The following MCUB variants were observed in gnomAD, a reference collection of about 807,000 sequenced individuals.
The protein encoded by MCUB is mitochondrial calcium uniporter dominant negative subunit beta, also known as calcium uniporter regulatory subunit MCUb, mitochondrial.
MCUB carries 46 observed loss-of-function variants against 41.4 expected under a neutral mutation model. The ratio of observed to expected loss-of-function variants is 1.11; its 90% CI spans 0.88 to 1.42. MCUB has a LOEUF of 1.42. Among genes scored for constraint, MCUB ranks in the 40% most tolerant of loss-of-function variants. The pLI, the probability that MCUB is intolerant of heterozygous loss-of-function variation, is 0.00. For synonymous variants in MCUB, 148 were observed against 148.2 expected (o/e 1.00, Z 0.01); for missense variants, 403 against 404.9 (o/e 1.00, Z 0.04).
At chr4:109,676,250 G>A (rs1035125217) in intron 4 of MCUB, among the ~76,000 whole-genome samples, 13 of 152,106 alleles carry the variant, frequency 8.5e-5, no homozygotes, top group African/African-American at 3.1e-4. Flanking sequence ...TAGAAATATC[G>A]ATGGTAGGCT....
chr4:109,597,396 T>G (rs1165563102), intron 1 of MCUB, among the ~76,000 whole-genome samples: 1 of 145,490 alleles, frequency 6.9e-6, no homozygotes. Flanking sequence ...ACGGGGCGGC[T>G]GGCCGGGCGG....
intron 1 of MCUB, among the ~76,000 whole-genome samples, chr4:109,574,048 G>A (rs552925766): frequency 1.3e-5 from 2 of 151,588 alleles, no homozygotes; most frequent in South Asian, 2.1e-4. Context: ...TAATTTTTGC[G>A]TTTTTAGTAC....
At chr4:109,659,943 C>T (rs751870171) in intron 2 of MCUB, among the ~76,000 whole-genome samples, 5 of 152,206 alleles carry the variant, frequency 3.3e-5, no homozygotes, top group Admixed American at 6.5e-5. Flanking sequence ...CAGGCATGAG[C>T]CACCATGCCG....
chr4:109,577,869 C>A, intron 1 of MCUB, among the ~76,000 whole-genome samples: 1 of 28,672 alleles, frequency 3.5e-5, no homozygotes. Flanking sequence ...CTCGGCCTCC[C>A]AAAGTGCTGG....
intron 1 of MCUB, among the ~76,000 whole-genome samples, chr4:109,600,495 C>G (rs1006335881): frequency 6.6e-6 from 1 of 152,152 alleles, no homozygotes; most frequent in African/African-American, 2.4e-5. Flanking sequence ...AAATGGTAGA[C>G]CATAGGTTAA....
At chr4:109,652,061 T>C (rs1257569122) in intron 1 of MCUB, among the ~76,000 whole-genome samples, 1 of 152,226 alleles carries the variant, frequency 6.6e-6, no homozygotes, top group African/African-American at 2.4e-5. Flanking sequence ...ATGGCTGTTT[T>C]GTAAATGGCT....
intron 1 of MCUB, among the ~76,000 whole-genome samples, chr4:109,634,271 T>C (rs1328036514): frequency 2.0e-5 from 3 of 151,728 alleles, no homozygotes; most frequent in Non-Finnish European, 4.4e-5. Flanking sequence ...TCATCTGAGG[T>C]CGGGAGTTCG....
intron 1 of MCUB, among the ~76,000 whole-genome samples, chr4:109,624,154 C>G (rs1169715094): frequency 1.3e-5 from 2 of 152,138 alleles, no homozygotes; most frequent in African/African-American, 4.8e-5. Context: ...TACCTGGCCC[C>G]ATTCAAGATT....
intron 1 of MCUB, among the ~76,000 whole-genome samples, chr4:109,653,585 GT>G (rs553799331): frequency 8.3e-4 from 125 of 151,494 alleles, no homozygotes; most frequent in African/African-American, 3.0e-3. Context: ...ATTAAGGTGG[GT>G]TTTTTTTGAG....
chr4:109,587,563 C>G (rs138466697), intron 1 of MCUB, among the ~76,000 whole-genome samples: 1 of 152,156 alleles, frequency 6.6e-6, no homozygotes, highest in Non-Finnish European at 1.5e-5. Flanking sequence ...GAGCTGCAGA[C>G]TGGAGCTGTT....
chr4:109,630,215 A>G lies in MCUB; in HGVS notation c.100-28796A>G, dbSNP rs573790680. 2.1e-3 allele frequency among the ~76,000 whole-genome samples: 314 copies of G among 152,276 alleles called. 2 individuals are homozygous for G. Among genetic ancestry groups the G allele is most frequent in the Non-Finnish European group, 3.8e-3 (260 of 68,026 alleles). ...GTGGCTTGTGCCTATAATCCCAGCT[A>G]CTTGAGAGGCTGAAGTGGGAGCATC... On this transcript the variant is annotated intron_variant, in intron 1 of 7. Transcript: ENST00000394650.
intron 1 of MCUB, among the ~76,000 whole-genome samples, chr4:109,599,822 C>T (rs763899355): frequency 2.6e-5 from 4 of 152,126 alleles, no homozygotes; most frequent in Non-Finnish European, 4.4e-5. Flanking sequence ...GCGCCTACCA[C>T]CATAGCCAGC....
intron 1 of MCUB, among the ~76,000 whole-genome samples, chr4:109,564,515 C>A (rs537395930): frequency 6.6e-6 from 1 of 152,026 alleles, no homozygotes; most frequent in Admixed American, 6.6e-5. Flanking sequence ...CAAATCTATT[C>A]CAAAAAAATT....
At chr4:109,617,304 T>C (rs1015434417) in intron 1 of MCUB, among the ~76,000 whole-genome samples, 7 of 152,216 alleles carry the variant, frequency 4.6e-5, no homozygotes, top group Admixed American at 6.5e-5. Flanking sequence ...TTCTGTTTAG[T>C]GCATTGCAGA....
In MCUB at chr4:109,567,844, G is replaced by A. The variant is rs182853482; in HGVS notation, c.99+7408G>A. On this transcript the variant is annotated intron_variant, in intron 1 of 7. Transcript: ENST00000394650. ...CTCCCAAGTAGCTGGGACTACAGCC[G>A]CCCGCCACCATGCCTGGCTAATTTT... Among the ~76,000 whole-genome samples the A allele has an allele frequency of 7.9e-5, 12 of 151,964 alleles. No homozygotes were observed. The East Asian group carries it at 2.0e-3, about 25-fold the overall frequency.
At chr4:109,572,504 C>T (rs1213370216) in intron 1 of MCUB, among the ~76,000 whole-genome samples, 2 of 152,084 alleles carry the variant, frequency 1.3e-5, no homozygotes, top group African/African-American at 4.8e-5. Context: ...GTTCTAAAAA[C>T]TGGAAATCTT....
chr4:109,682,090 C>G (rs2126151986), intron 4 of MCUB, among the ~76,000 whole-genome samples: 1 of 152,118 alleles, frequency 6.6e-6, no homozygotes, highest in African/African-American at 2.4e-5. Flanking sequence ...TGGGTGTGAG[C>G]CAAGTTGCAA....
chr4:109,614,411 A>G (rs553859608), intron 1 of MCUB, among the ~76,000 whole-genome samples: 97 of 152,082 alleles, frequency 6.4e-4, no homozygotes, highest in Admixed American at 1.9e-3. Context: ...TAGAGCTCTC[A>G]TGGTTGGATT....
chr4:109,661,982 G>A (rs750039918), intron 3 of MCUB, among the ~76,000 whole-genome samples: 2 of 152,140 alleles, frequency 1.3e-5, no homozygotes, highest in Non-Finnish European at 2.9e-5. Context: ...GCTGTGGTCC[G>A]AGATGGCACC....
Sources: gnomAD v4.1 joint callset for allele counts (sites outside exome capture counted in the v4.1 genomes callset) on GRCh38, gnomAD v4.1.1 for gene constraint, MANE v1.5 for transcripts, NCBI Gene and HGNC (gene_info 2026-07-23, HGNC 2026-07-21) for gene names.